Variants in CCSER1 observed in about 807,000 individuals in gnomAD.
CCSER1 encodes the protein serine-rich coiled-coil domain-containing protein 1.
A neutral mutation model predicts 82.0 loss-of-function variants in CCSER1; 41 were observed. The ratio of observed to expected loss-of-function variants is 0.50; its 90% CI spans 0.39 to 0.65. CCSER1 has a LOEUF of 0.65. Ranked by LOEUF, CCSER1 falls within the 30% of genes least tolerant of loss-of-function variation. The pLI, the probability that CCSER1 is intolerant of heterozygous loss-of-function variation, is 0.00. For missense variants in CCSER1, 1,119 were observed against 1,064.2 expected, an observed-to-expected ratio of 1.05 and a Z score of -0.72; for synonymous variants, 414 against 383.9, an observed-to-expected ratio of 1.08 and a Z score of -0.92.
At chr4:91,436,196 C>T (rs1045122468) in intron 10 of CCSER1, among the ~76,000 whole-genome samples, 2 of 152,192 alleles carry the variant, frequency 1.3e-5, no homozygotes, top group African/African-American at 4.8e-5. Flanking sequence ...TTTATGCCAT[C>T]TTCCCTCTTA....
chr4:91,085,074 A>T (rs1401010973), intron 9 of CCSER1, among the ~76,000 whole-genome samples: 1 of 151,744 alleles, frequency 6.6e-6, no homozygotes, highest in Non-Finnish European at 1.5e-5. Context: ...AGCTAGAAAC[A>T]TAATAGGTCT....
chr4:91,022,199 T>G (rs906719845), intron 9 of CCSER1, among the ~76,000 whole-genome samples: 2 of 137,748 alleles, frequency 1.5e-5, no homozygotes, highest in Non-Finnish European at 3.1e-5. Context: ...CCCCTTCCTG[T>G]GTCCATGTTT....
chr4:91,014,839 A>G (rs1397232614), intron 9 of CCSER1, among the ~76,000 whole-genome samples: 2 of 144,722 alleles, frequency 1.4e-5, no homozygotes, highest in Non-Finnish European at 3.1e-5. Context: ...TTGAGTTGCC[A>G]TACAAAGATG....
chr4:90,342,720 G>A (rs1009697194), intron 3 of CCSER1, among the ~76,000 whole-genome samples: 3 of 152,034 alleles, frequency 2.0e-5, no homozygotes, highest in Non-Finnish European at 4.4e-5. Context: ...TTCTCACCAT[G>A]AAGTTTTCCA....
intron 3 of CCSER1, among the ~76,000 whole-genome samples, chr4:90,356,442 ACT>A (rs1365344603): frequency 2.6e-5 from 4 of 151,634 alleles, no homozygotes; most frequent in Non-Finnish European, 5.9e-5. Context: ...AAAAAATTAA[ACT>A]CTATAGTTTA....
At chr4:90,797,835 A>T (rs1383505517) in intron 7 of CCSER1, among the ~76,000 whole-genome samples, 1 of 152,154 alleles carries the variant, frequency 6.6e-6, no homozygotes, top group Admixed American at 6.5e-5. Flanking sequence ...TTCTGCTGAG[A>T]TGTCTGCTGT....
At chr4:91,442,263 C>T (rs13113642) in intron 10 of CCSER1, among the ~76,000 whole-genome samples, 115,029 of 151,326 alleles carry the variant, frequency 0.76, 44,022 homozygotes, top group East Asian at 0.92. Context: ...GGTACTGGTA[C>T]CAAAACAGAG....
intron 1 of CCSER1, among the ~76,000 whole-genome samples, chr4:90,173,428 A>G (rs1192481330): frequency 6.6e-6 from 1 of 151,788 alleles, no homozygotes; most frequent in Non-Finnish European, 1.5e-5. Context: ...AGACAGTATC[A>G]AGGTCTCCCA....
At chr4:90,706,175 C>T (rs1364111470) in intron 6 of CCSER1, among the ~76,000 whole-genome samples, 3 of 152,156 alleles carry the variant, frequency 2.0e-5, no homozygotes, top group South Asian at 2.1e-4. Flanking sequence ...AATAAATTTC[C>T]GTTGTTTAAA....
At chr4:91,261,222 G>C (rs1351238118) in intron 10 of CCSER1, among the ~76,000 whole-genome samples, 6 of 152,138 alleles carry the variant, frequency 3.9e-5, no homozygotes, top group Admixed American at 3.9e-4. Context: ...TAAATGCCTT[G>C]CTCCTTACCA....
chr4:91,504,449 G>A (rs1759379534), intron 10 of CCSER1, among the ~76,000 whole-genome samples: 1 of 151,990 alleles, frequency 6.6e-6, no homozygotes, highest in Admixed American at 6.6e-5. Context: ...GTCTTATGTT[G>A]CCTACAAACA....
chr4:91,412,257 G>A (rs1288904615), intron 10 of CCSER1, among the ~76,000 whole-genome samples: 2 of 151,894 alleles, frequency 1.3e-5, no homozygotes, highest in Non-Finnish European at 2.9e-5. Context: ...ATCCACCGAG[G>A]AATCAGGGAA....
At chr4:90,783,888 C>A (rs1049754177) in intron 7 of CCSER1, among the ~76,000 whole-genome samples, 1 of 152,040 alleles carries the variant, frequency 6.6e-6, no homozygotes, top group Non-Finnish European at 1.5e-5. Context: ...CCCTCCCCAA[C>A]TTTTTAACAC....
intron 10 of CCSER1, among the ~76,000 whole-genome samples, chr4:91,219,870 C>G (rs868028970): frequency 4.6e-5 from 7 of 152,146 alleles, no homozygotes; most frequent in Non-Finnish European, 1.0e-4. Flanking sequence ...TCTCTCATAT[C>G]TGTCTTAAAG....
intron 7 of CCSER1, among the ~76,000 whole-genome samples, chr4:90,788,664 T>A (rs544445020): frequency 2.6e-5 from 4 of 152,332 alleles, no homozygotes; most frequent in Non-Finnish European, 5.9e-5. Flanking sequence ...TGCAAAGACC[T>A]TATTTCCAAA....
At chr4:91,181,974 A>T (rs1734074037) in intron 10 of CCSER1, among the ~76,000 whole-genome samples, 1 of 152,188 alleles carries the variant, frequency 6.6e-6, no homozygotes, top group African/African-American at 2.4e-5. Flanking sequence ...TTATTGAAGG[A>T]ATACTCATGG....
chr4:91,304,135 G>T (rs1744872348), intron 10 of CCSER1, among the ~76,000 whole-genome samples: 1 of 151,898 alleles, frequency 6.6e-6, no homozygotes, highest in Non-Finnish European at 1.5e-5. Flanking sequence ...CGACTAAATT[G>T]CATATTTCAA....
At chr4:90,685,813 G>A (rs1189791737) in intron 6 of CCSER1, among the ~76,000 whole-genome samples, 3 of 152,152 alleles carry the variant, frequency 2.0e-5, no homozygotes, top group African/African-American at 7.2e-5. Flanking sequence ...TGCTGGAAAC[G>A]TGAATACTTT....
Position 90,749,169 on chromosome 4 carries a change from A to G in CCSER1, c.2010+25178A>G, listed in dbSNP as rs1748103409. Among the ~76,000 whole-genome samples the G allele has an allele frequency of 2.7e-5, 4 of 150,792 alleles. No individual in the cohort carries two copies. In the South Asian group the frequency reaches 8.4e-4, roughly 32 times the overall value. On this transcript the variant is annotated intron_variant, in intron 7 of 10. Coordinates refer to ENST00000509176, the MANE Select transcript of CCSER1 (RefSeq NM_001145065.2). ...TTTCTTCTAGGGTTTTTATGGTTTTAGGTCTAACGTTTAAGTCTTTAATCC... is the reference window on the plus strand; with the variant it reads ...TTTCTTCTAGGGTTTTTATGGTTTTGGGTCTAACGTTTAAGTCTTTAATCC...
Sources: allele counts gnomAD v4.1 joint callset (sites outside exome capture counted in the v4.1 genomes callset), GRCh38; gene constraint gnomAD v4.1.1; transcripts MANE v1.5; gene names NCBI Gene and HGNC (gene_info 2026-07-23, HGNC 2026-07-21).